The following GTF2E1 variants were observed in gnomAD, a reference collection of about 807,000 sequenced individuals.
GTF2E1 encodes the protein TFIIE alpha subunit.
A neutral mutation model predicts 34.9 loss-of-function variants in GTF2E1; 14 were observed. The observed-to-expected ratio is 0.40, with a 90% confidence interval of 0.27 to 0.63. The LOEUF (loss-of-function observed/expected upper bound fraction) is 0.63. GTF2E1 is among the 20% of genes least tolerant of loss of function. The probability of loss-of-function intolerance (pLI) is 0.39; values close to 1 mark genes in which losing one functional copy is unlikely to be tolerated. For synonymous variants in GTF2E1, 188 were observed against 192.9 expected (o/e 0.97, Z 0.21); for missense variants, 469 against 557.7 (o/e 0.84, Z 1.60).
At position 120,742,754 on chromosome 3, in the gene GTF2E1, C is replaced by T. The variant is rs376608181; in HGVS notation, c.-71C>T. The T allele has an allele frequency of 1.8e-6, 1 of 553,364 alleles. No homozygotes were observed. The highest frequency in any genetic ancestry group is 3.3e-6 in the Non-Finnish European group (1 of 307,412). The allele number at this position is 553,364 out of a possible 1,614,324, so 34.3% of individuals were successfully genotyped here. On this transcript the variant is annotated 5_prime_UTR_variant, in exon 1 of 5. Transcript: ENST00000283875. ...TTCATTTAAGCCGGTAGTTGAAGCG[C>T]TGGGGGCAGCTGTAGTGGGAGTGTT...
At chr3:120,779,555 A>G (rs1414949604) in intron 4 of GTF2E1, among the ~76,000 whole-genome samples, 3 of 152,200 alleles carry the variant, frequency 2.0e-5, no homozygotes, top group Non-Finnish European at 2.9e-5. Flanking sequence ...ATCTCATTTT[A>G]GGAGTTCTGT....
Position 120,781,719 on chromosome 3 carries a change from T to C in GTF2E1, c.*249T>C, listed in dbSNP as rs561583769. 1.6e-4 allele frequency: 50 copies of C among 319,054 alleles called. No individual in the cohort carries two copies. In the East Asian group the frequency reaches 2.8e-3, roughly 18 times the overall value. The allele number at this position is 319,054 out of a possible 1,614,324, so 19.8% of individuals were successfully genotyped here. On this transcript the variant is annotated 3_prime_UTR_variant, in exon 5 of 5. Transcript: ENST00000283875. ...TATTTTACTGTATTTTCTTTTCTTTTTTTTTTTTTTTTGGAGATGAAGTCT... is the reference window on the plus strand; with the variant it reads ...TATTTTACTGTATTTTCTTTTCTTTCTTTTTTTTTTTTGGAGATGAAGTCT...
chr3:120,747,400 C>G (rs1301635509), intron 1 of GTF2E1, among the ~76,000 whole-genome samples: 1 of 152,022 alleles, frequency 6.6e-6, no homozygotes, highest in African/African-American at 2.4e-5. Context: ...CTCCCCGCTC[C>G]CTCCTCCCCA....
At chr3:120,778,388 A>C (rs1373881284) in intron 4 of GTF2E1, among the ~76,000 whole-genome samples, 1 of 152,216 alleles carries the variant, frequency 6.6e-6, no homozygotes, top group Non-Finnish European at 1.5e-5. Flanking sequence ...GACTCTATCC[A>C]GTGAATGTAT....
At position 120,750,689 on chromosome 3, in the gene GTF2E1, A is replaced by G; in HGVS notation, c.137A>G (p.Glu46Gly). Residue 46 changes from glutamate (E) to glycine (G), a missense_variant, in exon 2 of 5, where the codon GAG (glutamate) becomes GGG (glycine). Transcript: ENST00000283875. ...ILIRNSCVKE[E>G]DMLELLKFDR... ...ATCAGGAACTCCTGTGTGAAAGAGG[A>G]GGATATGCTGGAGCTGCTCAAGTTT... is the stretch of plus-strand genomic sequence containing the variant. 6.2e-7 allele frequency: 1 copy of G among 1,613,970 alleles called. No individual in the cohort carries two copies. The highest frequency in any genetic ancestry group is 8.5e-7 in the Non-Finnish European group (1 of 1,179,908).
At chr3:120,778,919 G>A (rs1420545532) in intron 4 of GTF2E1, among the ~76,000 whole-genome samples, 5 of 152,054 alleles carry the variant, frequency 3.3e-5, no homozygotes, top group South Asian at 2.1e-4. Context: ...TTCTGCCCAC[G>A]TATACAACCT....
intron 1 of GTF2E1, among the ~76,000 whole-genome samples, chr3:120,745,433 G>A (rs1709096934): frequency 6.6e-6 from 1 of 152,094 alleles, no homozygotes; most frequent in South Asian, 2.1e-4. Context: ...ATGAGCATTG[G>A]CAGGATATAT....
At chr3:120,779,644 A>G (rs1210089468) in intron 4 of GTF2E1, among the ~76,000 whole-genome samples, 1 of 152,246 alleles carries the variant, frequency 6.6e-6, no homozygotes, top group Non-Finnish European at 1.5e-5. Flanking sequence ...ATCCATAGTC[A>G]GAATTGACCA....
At chr3:120,754,872 A>T (rs17183618) in intron 2 of GTF2E1, among the ~76,000 whole-genome samples, 41,922 of 152,022 alleles carry the variant, frequency 0.28, 6,273 homozygotes, top group Non-Finnish European at 0.33. Flanking sequence ...GTTCAACTCA[A>T]CAAATAATGT....
chr3:120,754,280 A>G (rs914263003), intron 2 of GTF2E1, among the ~76,000 whole-genome samples: 3 of 152,180 alleles, frequency 2.0e-5, no homozygotes, highest in African/African-American at 7.2e-5. Context: ...AAAATTATGC[A>G]ACCATAATGC....
chr3:120,746,587 C>T (rs1453650596), intron 1 of GTF2E1, among the ~76,000 whole-genome samples: 1 of 151,794 alleles, frequency 6.6e-6, no homozygotes. Flanking sequence ...TCCCTTGAGC[C>T]CAGAAGTTCG....
At chr3:120,767,923 A>G (rs1354911634) in intron 2 of GTF2E1, among the ~76,000 whole-genome samples, 1 of 147,158 alleles carries the variant, frequency 6.8e-6, no homozygotes, top group Non-Finnish European at 1.5e-5. Flanking sequence ...TGAAATAATG[A>G]TATTAGTGTT....
chr3:120,768,369 T>C (rs1438870691), intron 2 of GTF2E1, among the ~76,000 whole-genome samples: 1 of 152,146 alleles, frequency 6.6e-6, no homozygotes, highest in Non-Finnish European at 1.5e-5. Flanking sequence ...GTGTGCCTGA[T>C]GGGAGACATT....
intron 4 of GTF2E1, among the ~76,000 whole-genome samples, chr3:120,780,116 C>G (rs1709434404): frequency 6.6e-6 from 1 of 152,164 alleles, no homozygotes; most frequent in African/African-American, 2.4e-5. Flanking sequence ...ATAAAACTCA[C>G]ATTTATTCAC....
At chr3:120,761,253 AT>A (rs1709260508) in intron 2 of GTF2E1, among the ~76,000 whole-genome samples, 1 of 152,050 alleles carries the variant, frequency 6.6e-6, no homozygotes, top group Non-Finnish European at 1.5e-5. Context: ...TTTCTGTGGG[AT>A]CGGTGGTGAT....
At chr3:120,779,157 T>C (rs1709426549) in intron 4 of GTF2E1, among the ~76,000 whole-genome samples, 1 of 152,244 alleles carries the variant, frequency 6.6e-6, no homozygotes, top group Admixed American at 6.5e-5. Context: ...TAATTCTTTT[T>C]TCTCCAAACC....
intron 2 of GTF2E1, 99 bp downstream of exon 2, chr3:120,751,099 A>AT (rs1208571920): frequency 2.8e-6 from 2 of 706,088 alleles, no homozygotes; most frequent in African/African-American, 3.6e-5. Flanking sequence ...ATATATTATT[A>AT]TAAAAGTGAA....
At chr3:120,745,073 T>TA (rs1471061033) in intron 1 of GTF2E1, among the ~76,000 whole-genome samples, 1 of 152,184 alleles carries the variant, frequency 6.6e-6, no homozygotes, top group Non-Finnish European at 1.5e-5. Context: ...GGCTAAGTTT[T>TA]AAAATTTTTG....
At chr3:120,777,102 T>G (rs1709407698) in intron 4 of GTF2E1, among the ~76,000 whole-genome samples, 1 of 152,166 alleles carries the variant, frequency 6.6e-6, no homozygotes, top group Admixed American at 6.6e-5. Flanking sequence ...CTGAAATAGA[T>G]ACAAAGAGAC....
Sources: allele counts gnomAD v4.1 joint callset (sites outside exome capture counted in the v4.1 genomes callset), GRCh38; gene constraint gnomAD v4.1.1; transcripts MANE v1.5; gene names NCBI Gene and HGNC (gene_info 2026-07-23, HGNC 2026-07-21).